Variants in HTR4 observed in about 807,000 individuals in gnomAD.
HTR4 encodes 5-hydroxytryptamine receptor 4.
A neutral mutation model predicts 36.8 loss-of-function variants in HTR4; 16 were observed. The observed-to-expected ratio is 0.43, with a 90% confidence interval of 0.29 to 0.66. The LOEUF (loss-of-function observed/expected upper bound fraction) is 0.66. Ranked by LOEUF, HTR4 falls within the 30% of genes least tolerant of loss-of-function variation. The probability of loss-of-function intolerance (pLI) is 0.13; values close to 1 mark genes in which losing one functional copy is unlikely to be tolerated. For missense variants in HTR4, 438 were observed against 490.9 expected, an observed-to-expected ratio of 0.89 and a Z score of 1.02; for synonymous variants, 189 against 185.1, an observed-to-expected ratio of 1.02 and a Z score of -0.17.
At chr5:148,572,661 T>C (rs1457551128) in intron 2 of HTR4, among the ~76,000 whole-genome samples, 1 of 152,144 alleles carries the variant, frequency 6.6e-6, no homozygotes. Context: ...TTACCAATAG[T>C]TGTAACTCCC....
intron 2 of HTR4, among the ~76,000 whole-genome samples, chr5:148,569,659 A>T (rs985174594): frequency 7.9e-5 from 12 of 151,968 alleles, no homozygotes; most frequent in African/African-American, 2.9e-4. Flanking sequence ...TAATGTATCC[A>T]AAACATGAGT....
chr5:148,490,195 A>G (rs1366926297), intron 6 of HTR4, among the ~76,000 whole-genome samples: 1 of 148,022 alleles, frequency 6.8e-6, no homozygotes, highest in Admixed American at 6.8e-5. Context: ...GTGTGTGTGT[A>G]TATATATACA....
chr5:148,538,065 G>T (rs1758918713), intron 4 of HTR4, among the ~76,000 whole-genome samples: 1 of 152,062 alleles, frequency 6.6e-6, no homozygotes, highest in African/African-American at 2.4e-5. Context: ...AGGATTCAAG[G>T]TTGGTTCAAC....
intron 2 of HTR4, among the ~76,000 whole-genome samples, chr5:148,589,034 C>G (rs17108469): frequency 0.13 from 20,348 of 151,958 alleles, 1,552 homozygotes; most frequent in African/African-American, 0.19. Flanking sequence ...TATATGTATA[C>G]ACTGAGTCCA....
chr5:148,581,347 A>T (rs573845308), intron 2 of HTR4, among the ~76,000 whole-genome samples: 23 of 152,074 alleles, frequency 1.5e-4, no homozygotes, highest in Admixed American at 6.6e-4. Flanking sequence ...TTTTCGTTTA[A>T]TGTAGCTCTA....
intron 2 of HTR4, among the ~76,000 whole-genome samples, chr5:148,610,163 T>G (rs1752360572): frequency 6.6e-6 from 1 of 152,142 alleles, no homozygotes; most frequent in South Asian, 2.1e-4. Flanking sequence ...CCTCATAGTC[T>G]TGTGGATAGA....
chr5:148,553,631 C>G (rs1759802441), intron 2 of HTR4, among the ~76,000 whole-genome samples: 1 of 152,120 alleles, frequency 6.6e-6, no homozygotes, highest in Admixed American at 6.5e-5. Flanking sequence ...TTCCCTGGCA[C>G]AGAAAGTGTT....
chr5:148,637,975 GC>G (rs1753604623), intron 1 of HTR4, among the ~76,000 whole-genome samples: 2 of 152,236 alleles, frequency 1.3e-5, no homozygotes, highest in African/African-American at 4.8e-5. Flanking sequence ...TTCACTCCTA[GC>G]TCTGATATTC....
At chr5:148,452,508 G>A (rs965466841) in intron 5 of HTR4, among the ~76,000 whole-genome samples, 1 of 152,182 alleles carries the variant, frequency 6.6e-6, no homozygotes, top group African/African-American at 2.4e-5. Flanking sequence ...AGGGACCGGG[G>A]ATGCTGATCA....
chr5:148,650,274 G>T lies in HTR4; in HGVS notation c.-48+3788C>A, dbSNP rs189655142. 2.2e-3 allele frequency among the ~76,000 whole-genome samples: 331 copies of T among 152,086 alleles called. 1 individual carries two copies. The highest frequency in any genetic ancestry group is 3.6e-3 in the Non-Finnish European group (247 of 68,000). ...CCAGTGCTCTATCATTTATTCACTG[G>T]CAGTTACCAAACCTGTGAACTTGTT... On this transcript the variant is annotated intron_variant, in intron 1 of 6. Coordinates refer to ENST00000377888, the MANE Select transcript of HTR4 (RefSeq NM_000870.7).
intron 5 of HTR4, among the ~76,000 whole-genome samples, chr5:148,464,701 G>T (rs1176177016): frequency 6.6e-6 from 1 of 152,154 alleles, no homozygotes; most frequent in Non-Finnish European, 1.5e-5. Flanking sequence ...TAAACATATT[G>T]TTATCATACA....
At chr5:148,491,416 T>C (rs996166862) in intron 6 of HTR4, among the ~76,000 whole-genome samples, 1 of 152,026 alleles carries the variant, frequency 6.6e-6, no homozygotes, top group Non-Finnish European at 1.5e-5. Context: ...TTGAAAGACC[T>C]CTCCTGCTGT....
chr5:148,468,709 A>G (rs1755494719), intron 5 of HTR4, among the ~76,000 whole-genome samples: 1 of 152,196 alleles, frequency 6.6e-6, no homozygotes, highest in African/African-American at 2.4e-5. Context: ...ATCAAGGACA[A>G]TGCTGAAGAG....
intron 5 of HTR4, among the ~76,000 whole-genome samples, chr5:148,471,344 A>G (rs1755563266): frequency 6.6e-6 from 1 of 152,168 alleles, no homozygotes; most frequent in Non-Finnish European, 1.5e-5. Flanking sequence ...GTTGAGTGAA[A>G]TAATTCTGAT....
chr5:148,517,635 CAA>C (rs3041923), intron 5 of HTR4, among the ~76,000 whole-genome samples: 1 of 142,474 alleles, frequency 7.0e-6, no homozygotes, highest in African/African-American at 2.5e-5. Flanking sequence ...TCTAATTTTT[CAA>C]AAAAAAAAAA....
intron 1 of HTR4, 105 bp from the exon 2 acceptor site, chr5:148,637,166 G>T: frequency 1.4e-6 from 1 of 727,390 alleles, no homozygotes; most frequent in South Asian, 1.9e-5. Context: ...ATTATGACTT[G>T]TTTTGTGGAA....
chr5:148,534,249 C>T (rs1428994466), intron 4 of HTR4, among the ~76,000 whole-genome samples: 1 of 152,206 alleles, frequency 6.6e-6, no homozygotes, highest in Non-Finnish European at 1.5e-5. Context: ...TATGTACCTT[C>T]CTGGGATGAA....
Position 148,509,953 on chromosome 5 carries a change from G to A in HTR4, c.579C>T (p.Ala193=), listed in dbSNP as rs1277766339. 2 of 1,613,952 alleles carry A rather than the reference G, an allele frequency of 1.2e-6. No homozygotes were observed. Among genetic ancestry groups the A allele is most frequent in the Middle Eastern group, 1.7e-4 (1 of 6,058 alleles). ...YCVFMVNKPY[A]ITCSVVAFYI... The stretch of plus-strand genomic sequence containing the variant: ...AGAAGGCCACCACAGAGCAGGTGAT[G>A]GCGTAGGGCTTGTTGACCATGAAGA... Residue 193 remains alanine (A), a synonymous_variant, in exon 6 of 7, where the codon GCC becomes GCT. Transcript: ENST00000377888.
chr5:148,538,107 T>A (rs1046174430), intron 4 of HTR4, among the ~76,000 whole-genome samples: 1 of 152,090 alleles, frequency 6.6e-6, no homozygotes, highest in African/African-American at 2.4e-5. Flanking sequence ...ATTCATCACA[T>A]AAACAGAACT....
Sources: allele counts gnomAD v4.1 joint callset (sites outside exome capture counted in the v4.1 genomes callset), GRCh38; gene constraint gnomAD v4.1.1; transcripts MANE v1.5; gene names NCBI Gene and HGNC (gene_info 2026-07-23, HGNC 2026-07-21).